Variants in LRP1B observed in about 807,000 individuals in gnomAD.
The protein encoded by LRP1B is LDL receptor related protein 1B, also known as low-density lipoprotein receptor-related protein 1B.
In LRP1B, 217 loss-of-function variants were observed where a neutral mutation model predicts 556.6. The observed-to-expected ratio is 0.39, with a 90% confidence interval of 0.35 to 0.44. The LOEUF is 0.44. Among genes scored for constraint, LRP1B ranks in the 20% least tolerant of loss-of-function variants. The probability of loss-of-function intolerance (pLI) is 1.00; values close to 1 mark genes in which losing one functional copy is unlikely to be tolerated. For missense variants in LRP1B, 5,053 were observed against 5,620.8 expected (o/e 0.90, Z 3.23); for synonymous variants, 2,047 against 1,865.8 (o/e 1.10, Z -2.50).
At chr2:140,835,754 G>A in intron 31 of LRP1B, among the ~76,000 whole-genome samples, 1 of 152,014 alleles carries the variant, frequency 6.6e-6, no homozygotes. Flanking sequence ...GGCAAGGCTG[G>A]TCTCAAACTC....
chr2:141,861,345 T>C (rs16847412), intron 1 of LRP1B, among the ~76,000 whole-genome samples: 15,065 of 152,170 alleles, frequency 0.099, 832 homozygotes, highest in South Asian at 0.18. Context: ...ATTCACCAAA[T>C]GGAACTGATT....
intron 2 of LRP1B, among the ~76,000 whole-genome samples, chr2:141,749,563 G>T (rs1694032457): frequency 6.6e-6 from 1 of 152,142 alleles, no homozygotes; most frequent in South Asian, 2.1e-4. Context: ...CAAAAATGGG[G>T]ACCAGGAAAA....
At chr2:141,637,646 T>C (rs1344966887) in intron 2 of LRP1B, among the ~76,000 whole-genome samples, 1 of 152,246 alleles carries the variant, frequency 6.6e-6, no homozygotes, top group Admixed American at 6.5e-5. Context: ...TCAATGTTTA[T>C]CTATTCCTTT....
At chr2:141,780,122 TAATA>T (rs1023383368) in intron 2 of LRP1B, among the ~76,000 whole-genome samples, 30 of 150,986 alleles carry the variant, frequency 2.0e-4, no homozygotes, top group South Asian at 4.2e-4. Context: ...GAAAACATAT[TAATA>T]AATAAATATT....
intron 3 of LRP1B, among the ~76,000 whole-genome samples, chr2:141,312,224 C>T (rs781392187): frequency 3.3e-5 from 5 of 152,108 alleles, no homozygotes; most frequent in South Asian, 2.1e-4. Flanking sequence ...TCCCCCAAGA[C>T]GGTAAGGCCG....
intron 60 of LRP1B, among the ~76,000 whole-genome samples, chr2:140,465,585 T>G (rs2105334733): frequency 6.6e-6 from 1 of 152,230 alleles, no homozygotes; most frequent in Middle Eastern, 3.4e-3. Context: ...TGATCCCTAA[T>G]CTACTTATTC....
intron 2 of LRP1B, among the ~76,000 whole-genome samples, chr2:141,655,591 GATTT>G (rs1292155662): frequency 1.3e-5 from 2 of 152,152 alleles, no homozygotes; most frequent in East Asian, 1.9e-4. Flanking sequence ...GTACCATAAT[GATTT>G]ATTTATGTGT....
chr2:141,800,099 G>C (rs985886828), intron 2 of LRP1B, among the ~76,000 whole-genome samples: 1 of 152,072 alleles, frequency 6.6e-6, no homozygotes, highest in Non-Finnish European at 1.5e-5. Context: ...CACAGGCCCT[G>C]TCATATAGTA....
chr2:140,834,882 T>C (rs929040700), intron 31 of LRP1B, among the ~76,000 whole-genome samples: 11 of 152,200 alleles, frequency 7.2e-5, no homozygotes, highest in Admixed American at 5.2e-4. Flanking sequence ...CTAAATCAAA[T>C]GCTATTATAA....
Position 140,790,509 on chromosome 2 carries a change from AG to A in LRP1B, c.5360-14272del, listed in dbSNP as rs200123438. Among the ~76,000 whole-genome samples, 932 of 152,260 alleles carry A rather than the reference AG, an allele frequency of 6.1e-3. 12 individuals carry two copies. The highest frequency in any genetic ancestry group is 0.021 in the African/African-American group (878 of 41,550). ...ACAGAACTTCCTCACTTTTTCCTCA[AG>A]TACCAATAGCACTTTGAGCTGCTGA... On this transcript the variant is annotated intron_variant, in intron 32 of 90. Coordinates refer to ENST00000389484, the MANE Select transcript of LRP1B (RefSeq NM_018557.3).
intron 35 of LRP1B, among the ~76,000 whole-genome samples, chr2:140,749,651 G>A (rs2104891008): frequency 6.6e-6 from 1 of 152,172 alleles, no homozygotes; most frequent in Middle Eastern, 3.4e-3. Context: ...TAACACACAT[G>A]GAGCTGTCAT....
At chr2:141,536,885 C>A (rs1468653973) in intron 2 of LRP1B, among the ~76,000 whole-genome samples, 1 of 151,676 alleles carries the variant, frequency 6.6e-6, no homozygotes, top group African/African-American at 2.4e-5. Context: ...TGCCAGAGAC[C>A]AGGAAATTAA....
chr2:141,972,589 A>T (rs1441560727), intron 1 of LRP1B, among the ~76,000 whole-genome samples: 1 of 19,146 alleles, frequency 5.2e-5, no homozygotes, highest in African/African-American at 5.3e-4. Flanking sequence ...TGCAGGTGCA[A>T]AAAAAAAAAA....
chr2:140,992,694 A>G (rs1288571465), intron 16 of LRP1B: 2 of 152,106 alleles, frequency 1.3e-5, no homozygotes, highest in Non-Finnish European at 2.9e-5. Context: ...TCTGATTGTG[A>G]GTCAAGAAGT....
At position 140,320,286 on chromosome 2, in the gene LRP1B, C is replaced by T. The variant is rs114994766; in HGVS notation, c.12640+1677G>A. Among the ~76,000 whole-genome samples the T allele has an allele frequency of 7.7e-3, 1,179 of 152,244 alleles. 14 individuals are homozygous for T. Among genetic ancestry groups the T allele is most frequent in the African/African-American group, 0.025 (1,058 of 41,540 alleles). On this transcript the variant is annotated intron_variant, in intron 82 of 90. Transcript: ENST00000389484. ...TTATTCATCAATTCATCTTTTCAAA[C>T]GCTTCGGCTCTGCATATCAAATGCT...
intron 7 of LRP1B, among the ~76,000 whole-genome samples, chr2:141,071,454 GA>G (rs777117389): frequency 5.7e-4 from 87 of 152,202 alleles, no homozygotes; most frequent in Non-Finnish European, 1.0e-3. Context: ...ACAAGACAGG[GA>G]TGCCCTCTCT....
intron 2 of LRP1B, among the ~76,000 whole-genome samples, chr2:141,599,257 C>G (rs998733505): frequency 2.6e-5 from 4 of 151,836 alleles, no homozygotes; most frequent in African/African-American, 7.3e-5. Context: ...AGAGGTAGTG[C>G]TCATGAAAAA....
At chr2:140,537,424 C>T (rs562251935) in intron 45 of LRP1B, among the ~76,000 whole-genome samples, 28 of 151,920 alleles carry the variant, frequency 1.8e-4, no homozygotes, top group Non-Finnish European at 3.1e-4. Context: ...TTTTCCCCAC[C>T]GTCTGGTCTT....
At chr2:141,690,430 T>TATATATAA (rs1691481142) in intron 2 of LRP1B, among the ~76,000 whole-genome samples, 1 of 119,682 alleles carries the variant, frequency 8.4e-6, no homozygotes, top group Non-Finnish European at 1.8e-5. Context: ...TATATATATA[T>TATATATAA]ATATATATAT....
Sources: gnomAD v4.1 joint callset for allele counts (sites outside exome capture counted in the v4.1 genomes callset) on GRCh38, gnomAD v4.1.1 for gene constraint, MANE v1.5 for transcripts, NCBI Gene and HGNC (gene_info 2026-07-23, HGNC 2026-07-21) for gene names.